SPOCK3: variants seen among roughly 807,000 people sequenced by gnomAD.
SPOCK3 encodes the protein SPARC (osteonectin), cwcv and kazal like domains proteoglycan 3.
Under a neutral mutation model 56.6 loss-of-function variants are expected in SPOCK3, and 30 were observed. The observed-to-expected ratio is 0.53, with a 90% confidence interval of 0.40 to 0.72. The LOEUF is 0.72. Ranked by LOEUF, SPOCK3 falls within the 30% of genes least tolerant of loss-of-function variation. The pLI is 0.00. For missense variants in SPOCK3, 527 were observed against 530.0 expected (o/e 0.99, Z 0.06); for synonymous variants, 196 against 183.3 (o/e 1.07, Z -0.56).
At chr4:166,767,344 C>T (rs1335399177) in intron 7 of SPOCK3, among the ~76,000 whole-genome samples, 2 of 151,918 alleles carry the variant, frequency 1.3e-5, no homozygotes, top group Non-Finnish European at 2.9e-5. Context: ...AAATTTCCCT[C>T]TCCACACTGC....
At chr4:166,735,124 TTGAC>T (rs1396034962) in intron 10 of SPOCK3, 34 bp from the exon 11 acceptor site, 67 of 1,352,536 alleles carry the variant, frequency 5.0e-5, no homozygotes, top group Non-Finnish European at 6.7e-5. Flanking sequence ...TAACCTTTAT[TTGAC>T]TGAATACTGT....
chr4:167,073,065 C>T (rs1362145221), intron 2 of SPOCK3, among the ~76,000 whole-genome samples: 1 of 151,390 alleles, frequency 6.6e-6, no homozygotes, highest in Non-Finnish European at 1.5e-5. Context: ...TTTATGTTTC[C>T]ATATGTGCAA....
chr4:167,062,135 A>G (rs1004572649), intron 3 of SPOCK3, among the ~76,000 whole-genome samples: 1 of 151,822 alleles, frequency 6.6e-6, no homozygotes, highest in Non-Finnish European at 1.5e-5. Flanking sequence ...AAAAAAAGCC[A>G]TTTGTTTTAA....
At chr4:167,128,508 C>T (rs576856795) in intron 2 of SPOCK3, among the ~76,000 whole-genome samples, 2 of 152,224 alleles carry the variant, frequency 1.3e-5, no homozygotes, top group South Asian at 2.1e-4. Context: ...TGCCCATTCC[C>T]GTATAGCATA....
intron 5 of SPOCK3, among the ~76,000 whole-genome samples, chr4:166,904,073 C>T (rs1736350986): frequency 6.6e-6 from 1 of 151,690 alleles, no homozygotes; most frequent in Non-Finnish European, 1.5e-5. Context: ...TGTTTAATTA[C>T]ATATTATGCA....
intron 6 of SPOCK3, among the ~76,000 whole-genome samples, chr4:166,863,815 G>A (rs1212283292): frequency 2.0e-5 from 3 of 152,112 alleles, no homozygotes; most frequent in African/African-American, 7.2e-5. Flanking sequence ...AAGAGACTTA[G>A]ACTCCTACAC....
At chr4:166,992,554 C>T (rs1369897636) in intron 4 of SPOCK3, among the ~76,000 whole-genome samples, 1 of 152,086 alleles carries the variant, frequency 6.6e-6, no homozygotes, top group African/African-American at 2.4e-5. Context: ...ATGAAAGGCA[C>T]CTACTACATA....
chr4:167,074,349 C>T (rs1175940053), intron 2 of SPOCK3, among the ~76,000 whole-genome samples: 1 of 151,968 alleles, frequency 6.6e-6, no homozygotes, highest in Non-Finnish European at 1.5e-5. Flanking sequence ...AACTCTTCCA[C>T]GTGGCTGAAA....
chr4:167,194,069 T>C (rs1297494334), intron 2 of SPOCK3, among the ~76,000 whole-genome samples: 2 of 152,206 alleles, frequency 1.3e-5, no homozygotes, highest in African/African-American at 2.4e-5. Context: ...CTATTGATTG[T>C]TCCTCTGCTT....
At chr4:166,944,188 C>CA (rs1295441131) in intron 4 of SPOCK3, among the ~76,000 whole-genome samples, 2 of 151,814 alleles carry the variant, frequency 1.3e-5, no homozygotes, top group African/African-American at 2.4e-5. Context: ...TTAAGAATTA[C>CA]AAAAAACATT....
At chr4:167,128,413 C>G (rs571407058) in intron 2 of SPOCK3, among the ~76,000 whole-genome samples, 1 of 152,298 alleles carries the variant, frequency 6.6e-6, no homozygotes, top group East Asian at 1.9e-4. Flanking sequence ...TTTGGGTACA[C>G]CACCATTTAT....
intron 2 of SPOCK3, among the ~76,000 whole-genome samples, chr4:167,223,448 C>A (rs1190151317): frequency 6.7e-6 from 1 of 150,242 alleles, no homozygotes; most frequent in Non-Finnish European, 1.5e-5. Context: ...TTTAAAGTGC[C>A]TAGCATATAA....
intron 8 of SPOCK3, among the ~76,000 whole-genome samples, chr4:166,752,700 A>G (rs1039202561): frequency 1.3e-5 from 2 of 152,006 alleles, no homozygotes; most frequent in African/African-American, 4.8e-5. Flanking sequence ...ATATAAATTA[A>G]TGGTGATTTT....
intron 7 of SPOCK3, among the ~76,000 whole-genome samples, chr4:166,755,055 A>C (rs1282311244): frequency 6.6e-6 from 1 of 152,034 alleles, no homozygotes; most frequent in Non-Finnish European, 1.5e-5. Context: ...TATCATGATA[A>C]ATGTCTCATT....
intron 2 of SPOCK3, among the ~76,000 whole-genome samples, chr4:167,221,239 A>T (rs532630444): frequency 6.6e-6 from 1 of 152,074 alleles, no homozygotes; most frequent in African/African-American, 2.4e-5. Flanking sequence ...ATGGTGGTAC[A>T]TGCCTGTAGT....
chr4:166,922,091 G>A (rs1365762582), intron 4 of SPOCK3, among the ~76,000 whole-genome samples: 3 of 152,130 alleles, frequency 2.0e-5, no homozygotes, highest in Non-Finnish European at 4.4e-5. Context: ...CGGCGGACAC[G>A]AGGGGTCTAG....
At chr4:167,103,763 C>A (rs944609829) in intron 2 of SPOCK3, among the ~76,000 whole-genome samples, 2 of 152,116 alleles carry the variant, frequency 1.3e-5, no homozygotes, top group Admixed American at 1.3e-4. Flanking sequence ...AGCCAGGTAG[C>A]GGTTACCATG....
chr4:167,117,524 A>G (rs773119052), intron 2 of SPOCK3, among the ~76,000 whole-genome samples: 13 of 152,140 alleles, frequency 8.5e-5, no homozygotes, highest in Middle Eastern at 3.2e-3. Flanking sequence ...CACGTAGTAC[A>G]CAGACCTTCA....
intron 6 of SPOCK3, among the ~76,000 whole-genome samples, chr4:166,849,754 C>A (rs980174831): frequency 6.6e-6 from 1 of 152,010 alleles, no homozygotes; most frequent in Admixed American, 6.6e-5. Flanking sequence ...CTCCATTCAC[C>A]CTTACTTCCC....
Sources: gnomAD v4.1 joint callset for allele counts (sites outside exome capture counted in the v4.1 genomes callset) on GRCh38, gnomAD v4.1.1 for gene constraint, MANE v1.5 for transcripts, NCBI Gene and HGNC (gene_info 2026-07-23, HGNC 2026-07-21) for gene names.